The following GALNT17 variants were observed in gnomAD, a reference collection of about 807,000 sequenced individuals.
GALNT17 encodes polypeptide N-acetylgalactosaminyltransferase 17, also known as UDP-GalNAc:polypeptide N-acetylgalactosaminyltransferase-like 3.
In GALNT17, 29 loss-of-function variants were observed where a neutral mutation model predicts 63.7. The observed-to-expected ratio is 0.46, with a 90% CI of 0.34 to 0.62. The LOEUF (loss-of-function observed/expected upper bound fraction) is 0.62, where lower values mean the gene tolerates loss of function less well. Among genes scored for constraint, GALNT17 ranks in the 20% least tolerant of loss-of-function variants. The pLI is 0.01. For synonymous variants in GALNT17, 305 were observed against 318.3 expected (o/e 0.96, Z 0.45); for missense variants, 603 against 799.6 (o/e 0.75, Z 2.97).
chr7:71,273,175 A>G (rs1219021704), intron 1 of GALNT17, among the ~76,000 whole-genome samples: 3 of 152,076 alleles, frequency 2.0e-5, no homozygotes, highest in Non-Finnish European at 4.4e-5. Flanking sequence ...TTCTTTTGTG[A>G]TTTTTAATAT....
At chr7:71,320,581 A>G (rs765378985) in intron 1 of GALNT17, among the ~76,000 whole-genome samples, 4 of 152,162 alleles carry the variant, frequency 2.6e-5, no homozygotes, top group South Asian at 2.1e-4. Context: ...AGAAATCTAC[A>G]TCTAAGTAAA....
chr7:71,203,894 A>G lies in GALNT17; in HGVS notation c.238+70854A>G, dbSNP rs139338591. 6.6e-5 allele frequency among the ~76,000 whole-genome samples: 10 copies of G among 152,172 alleles called. No homozygotes were observed. In the East Asian group the frequency reaches 1.7e-3, roughly 26 times the overall value. On this transcript the variant is annotated intron_variant, in intron 1 of 10. Coordinates refer to ENST00000333538, the MANE Select transcript of GALNT17 (RefSeq NM_022479.3). ...TGTCTCTTCACTCTGTTGATTGTTT[A>G]CTTTGCTGTACAGAAGCCTTTTAGT...
intron 6 of GALNT17, among the ~76,000 whole-genome samples, chr7:71,643,064 G>T (rs1047768482): frequency 6.6e-6 from 1 of 152,282 alleles, no homozygotes; most frequent in East Asian, 1.9e-4. Flanking sequence ...TCGTCGATAG[G>T]ATGGATGGCG....
intron 1 of GALNT17, among the ~76,000 whole-genome samples, chr7:71,135,114 A>C (rs1787758977): frequency 6.6e-6 from 1 of 151,988 alleles, no homozygotes; most frequent in Middle Eastern, 3.4e-3. Context: ...GGCCTCCCAA[A>C]GTGTTGGGAT....
intron 9 of GALNT17, among the ~76,000 whole-genome samples, chr7:71,707,335 A>AGATG (rs1387970232): frequency 6.6e-6 from 1 of 152,146 alleles, no homozygotes; most frequent in African/African-American, 2.4e-5. Context: ...GGAGTGTGAA[A>AGATG]GATGGATGAA....
At chr7:71,643,019 A>T (rs142907101) in intron 6 of GALNT17, among the ~76,000 whole-genome samples, 1 of 152,332 alleles carries the variant, frequency 6.6e-6, no homozygotes, top group East Asian at 1.9e-4. Flanking sequence ...ACAGGAGCAC[A>T]TCGCATGTTT....
intron 5 of GALNT17, among the ~76,000 whole-genome samples, chr7:71,565,861 T>TG (rs1411204388): frequency 6.1e-4 from 76 of 125,400 alleles, no homozygotes; most frequent in African/African-American, 2.2e-3. Context: ...TTTTTTTTTT[T>TG]GAAACGGAGT....
chr7:71,204,896 C>T (rs1789242188), intron 1 of GALNT17, among the ~76,000 whole-genome samples: 1 of 151,998 alleles, frequency 6.6e-6, no homozygotes, highest in South Asian at 2.1e-4. Flanking sequence ...TAGGTGCCTG[C>T]CACCATGCCT....
At chr7:71,587,704 A>G (rs946171861) in intron 6 of GALNT17, among the ~76,000 whole-genome samples, 3 of 152,036 alleles carry the variant, frequency 2.0e-5, no homozygotes, top group South Asian at 4.1e-4. Flanking sequence ...TTGTACTGAA[A>G]ACATTAAAAA....
At chr7:71,245,391 G>C (rs569790246) in intron 1 of GALNT17, among the ~76,000 whole-genome samples, 1 of 152,164 alleles carries the variant, frequency 6.6e-6, no homozygotes, top group Non-Finnish European at 1.5e-5. Flanking sequence ...TGTCATCCAC[G>C]GGTGTAAAGA....
intron 6 of GALNT17, among the ~76,000 whole-genome samples, chr7:71,662,332 ATCTG>A (rs66585053): frequency 0.033 from 4,926 of 151,150 alleles, 94 homozygotes; most frequent in Middle Eastern, 0.058. Flanking sequence ...CTATCTATCT[ATCTG>A]TCTGTCTGTC....
intron 5 of GALNT17, among the ~76,000 whole-genome samples, chr7:71,565,071 A>T (rs1178657544): frequency 2.0e-5 from 3 of 152,192 alleles, no homozygotes; most frequent in Non-Finnish European, 2.9e-5. Flanking sequence ...GTTCGAGACC[A>T]GCCTGGCCAA....
chr7:71,631,675 G>C (rs1038332195), intron 6 of GALNT17, among the ~76,000 whole-genome samples: 1 of 152,152 alleles, frequency 6.6e-6, no homozygotes, highest in African/African-American at 2.4e-5. Context: ...GAGGAGATAA[G>C]GGAAGGAAGG....
At chr7:71,189,600 G>A (rs1788913050) in intron 1 of GALNT17, among the ~76,000 whole-genome samples, 1 of 152,022 alleles carries the variant, frequency 6.6e-6, no homozygotes, top group Non-Finnish European at 1.5e-5. Context: ...TTGGTGCAGG[G>A]AACAATCAAG....
chr7:71,302,196 G>A (rs1390868277), intron 1 of GALNT17, among the ~76,000 whole-genome samples: 1 of 152,082 alleles, frequency 6.6e-6, no homozygotes. Flanking sequence ...GGGGCCTGTT[G>A]GGAGAGGGCA....
At chr7:71,516,997 C>A (rs569023069) in intron 5 of GALNT17, among the ~76,000 whole-genome samples, 3 of 152,282 alleles carry the variant, frequency 2.0e-5, no homozygotes, top group African/African-American at 7.2e-5. Context: ...CATTTATATT[C>A]TATTTCTTGT....
chr7:71,469,297 G>A (rs1787589797), intron 5 of GALNT17, among the ~76,000 whole-genome samples: 2 of 152,180 alleles, frequency 1.3e-5, no homozygotes, highest in Admixed American at 6.5e-5. Flanking sequence ...GTCACCGTGT[G>A]CAAGTTATTT....
intron 1 of GALNT17, among the ~76,000 whole-genome samples, chr7:71,288,564 G>T (rs1469202743): frequency 6.6e-6 from 1 of 152,174 alleles, no homozygotes; most frequent in Non-Finnish European, 1.5e-5. Flanking sequence ...TCGGAAGCAG[G>T]TTGCAAACTT....
At chr7:71,610,412 C>T (rs917656994) in intron 6 of GALNT17, among the ~76,000 whole-genome samples, 3 of 152,018 alleles carry the variant, frequency 2.0e-5, no homozygotes, top group Admixed American at 2.0e-4. Context: ...CACTTGAACC[C>T]AAGGCTGCAA....
Sources: allele counts gnomAD v4.1 joint callset (sites outside exome capture counted in the v4.1 genomes callset), GRCh38; gene constraint gnomAD v4.1.1; transcripts MANE v1.5; gene names NCBI Gene and HGNC (gene_info 2026-07-23, HGNC 2026-07-21).